The following FSTL5 variants were observed in gnomAD, a reference collection of about 807,000 sequenced individuals.
The protein encoded by FSTL5 is follistatin-related protein 5.
Under a neutral mutation model 89.1 loss-of-function variants are expected in FSTL5, and 62 were observed. The ratio of observed to expected loss-of-function variants is 0.70; its 90% CI spans 0.57 to 0.86. The LOEUF (loss-of-function observed/expected upper bound fraction) is 0.86, where lower values mean the gene tolerates loss of function less well. Ranked by LOEUF, FSTL5 falls within the 40% of genes least tolerant of loss-of-function variation. The pLI is 0.00. For missense variants in FSTL5, 1,057 were observed against 1,001.6 expected, an observed-to-expected ratio of 1.06 and a Z score of -0.75; for synonymous variants, 383 against 346.2, an observed-to-expected ratio of 1.11 and a Z score of -1.18.
intron 7 of FSTL5, among the ~76,000 whole-genome samples, chr4:161,602,514 G>A (rs903668194): frequency 6.6e-6 from 1 of 151,676 alleles, no homozygotes; most frequent in Non-Finnish European, 1.5e-5. Flanking sequence ...ATAGAGATTG[G>A]AATATTTGAG....
At chr4:161,389,740 G>A (rs554578099) in intron 15 of FSTL5, among the ~76,000 whole-genome samples, 5 of 152,230 alleles carry the variant, frequency 3.3e-5, no homozygotes, top group African/African-American at 9.6e-5. Flanking sequence ...GTAAATGTAT[G>A]TATACTACCA....
chr4:161,831,813 T>C (rs1291194016), intron 4 of FSTL5, among the ~76,000 whole-genome samples: 2 of 151,976 alleles, frequency 1.3e-5, no homozygotes, highest in Non-Finnish European at 2.9e-5. Flanking sequence ...TATATACATA[T>C]ATATGCCATT....
chr4:161,840,240 T>G (rs549825202), intron 4 of FSTL5, among the ~76,000 whole-genome samples: 20 of 152,164 alleles, frequency 1.3e-4, no homozygotes, highest in Admixed American at 7.9e-4. Context: ...CATTGAGGTG[T>G]GACTGGGAAG....
intron 13 of FSTL5, among the ~76,000 whole-genome samples, chr4:161,478,650 G>T (rs1341448200): frequency 6.6e-6 from 1 of 151,908 alleles, no homozygotes; most frequent in African/African-American, 2.4e-5. Flanking sequence ...TTCATTTATA[G>T]TATGAAAGTT....
At chr4:162,104,064 TC>T (rs1419428123) in intron 2 of FSTL5, among the ~76,000 whole-genome samples, 1 of 152,200 alleles carries the variant, frequency 6.6e-6, no homozygotes, top group Admixed American at 6.5e-5. Flanking sequence ...GAGCTTTCGC[TC>T]GCCGTCCACC....
intron 2 of FSTL5, among the ~76,000 whole-genome samples, chr4:162,055,509 G>C (rs1041413581): frequency 1.4e-5 from 2 of 140,528 alleles, no homozygotes; most frequent in African/African-American, 5.4e-5. Flanking sequence ...TAAATAGATA[G>C]ATGATAGATA....
chr4:162,083,026 T>C (rs1275383770), intron 2 of FSTL5, among the ~76,000 whole-genome samples: 1 of 151,692 alleles, frequency 6.6e-6, no homozygotes, highest in Non-Finnish European at 1.5e-5. Context: ...AAATGAATGA[T>C]ATCAGTAAAA....
At position 161,724,636 on chromosome 4, in the gene FSTL5, G is replaced by C. The variant is rs1488739873; in HGVS notation, c.727+34775C>G. ...TTAGTTTCTATGTCTGAATGCAATAGAAAGACAATCACACATATACAATTA... is the reference window on the plus strand; with the variant it reads ...TTAGTTTCTATGTCTGAATGCAATACAAAGACAATCACACATATACAATTA... On this transcript the variant is annotated intron_variant, in intron 6 of 15. Transcript: ENST00000306100. Among the ~76,000 whole-genome samples the C allele has an allele frequency of 2.0e-5, 3 of 152,238 alleles. No homozygotes were observed. In the East Asian group the frequency reaches 5.8e-4, roughly 29 times the overall value.
At chr4:162,020,422 C>A (rs1206469775) in intron 3 of FSTL5, among the ~76,000 whole-genome samples, 1 of 151,948 alleles carries the variant, frequency 6.6e-6, no homozygotes, top group Non-Finnish European at 1.5e-5. Flanking sequence ...TTAAGGCACT[C>A]AATAAATTAT....
At chr4:161,757,692 C>T (rs1285494883) in intron 6 of FSTL5, among the ~76,000 whole-genome samples, 1 of 152,074 alleles carries the variant, frequency 6.6e-6, no homozygotes, top group Non-Finnish European at 1.5e-5. Context: ...GATCTTGGCT[C>T]ACTTCAACCT....
intron 4 of FSTL5, among the ~76,000 whole-genome samples, chr4:161,898,869 TCCGC>T (rs1048607439): frequency 1.3e-5 from 2 of 151,948 alleles, no homozygotes; most frequent in African/African-American, 4.8e-5. Context: ...GACCTAATGA[TCCGC>T]CCGCCTCAGC....
intron 7 of FSTL5, among the ~76,000 whole-genome samples, chr4:161,607,328 C>T (rs949832851): frequency 6.6e-6 from 1 of 152,102 alleles, no homozygotes; most frequent in African/African-American, 2.4e-5. Flanking sequence ...AGCTAGATGA[C>T]ACTGCTGTTG....
At chr4:161,394,266 A>G (rs2110884834) in intron 15 of FSTL5, among the ~76,000 whole-genome samples, 1 of 152,178 alleles carries the variant, frequency 6.6e-6, no homozygotes, top group African/African-American at 2.4e-5. Flanking sequence ...TATAGGTAAA[A>G]TACCCATTTT....
At chr4:161,809,475 C>T (rs984540371) in intron 4 of FSTL5, among the ~76,000 whole-genome samples, 4 of 152,196 alleles carry the variant, frequency 2.6e-5, no homozygotes, top group African/African-American at 9.7e-5. Flanking sequence ...AGCAATTTCA[C>T]TTCCGGTCAT....
intron 8 of FSTL5, among the ~76,000 whole-genome samples, chr4:161,549,317 A>G (rs2126554086): frequency 6.6e-6 from 1 of 151,886 alleles, no homozygotes; most frequent in East Asian, 1.9e-4. Context: ...TTATAAAAAT[A>G]AAGAGTTGTA....
rs1422891994 is a variant in FSTL5, at chr4:161,460,794, GTT to G, written c.1609-1477_1609-1476del. Among the ~76,000 whole-genome samples the G allele has an allele frequency of 2.6e-5, 4 of 152,036 alleles. No individual in the cohort carries two copies. In the East Asian group the frequency reaches 7.8e-4, roughly 30 times the overall value. ...TCCTCGCTAAGAGAGTCACTATACT[GTT>G]TTGGGATCAGATGTGCAGCAATATC... On this transcript the variant is annotated intron_variant, in intron 13 of 15. Coordinates refer to ENST00000306100, the MANE Select transcript of FSTL5 (RefSeq NM_020116.5).
At chr4:161,786,954 A>C (rs1741927690) in intron 4 of FSTL5, among the ~76,000 whole-genome samples, 1 of 152,114 alleles carries the variant, frequency 6.6e-6, no homozygotes, top group South Asian at 2.1e-4. Context: ...TAAACAAATA[A>C]ATGTTTAATT....
intron 2 of FSTL5, among the ~76,000 whole-genome samples, chr4:162,059,047 T>A (rs1738642070): frequency 6.6e-6 from 1 of 152,108 alleles, no homozygotes. Flanking sequence ...GAAACTTTAA[T>A]AAATAAGGCA....
chr4:161,418,135 T>C (rs1413598253), intron 15 of FSTL5, among the ~76,000 whole-genome samples: 1 of 152,116 alleles, frequency 6.6e-6, no homozygotes, highest in Non-Finnish European at 1.5e-5. Context: ...AGTTCATTGG[T>C]GTGTTTACAT....
Sources: allele counts gnomAD v4.1 joint callset (sites outside exome capture counted in the v4.1 genomes callset), GRCh38; gene constraint gnomAD v4.1.1; transcripts MANE v1.5; gene names NCBI Gene and HGNC (gene_info 2026-07-23, HGNC 2026-07-21).